Variants in KCNIP4 observed in about 807,000 individuals in gnomAD.
The protein encoded by KCNIP4 is Kv channel-interacting protein 4.
KCNIP4 carries 12 observed loss-of-function variants against 34.0 expected under a neutral mutation model. That is an observed-to-expected ratio of 0.35 (90% CI 0.23 to 0.57). The LOEUF is 0.57. KCNIP4 is among the 20% of genes least tolerant of loss of function. The probability of loss-of-function intolerance (pLI) is 0.83; values close to 1 mark genes in which losing one functional copy is unlikely to be tolerated. For synonymous variants in KCNIP4, 124 were observed against 102.2 expected (o/e 1.21, Z -1.29); for missense variants, 238 against 311.7 (o/e 0.76, Z 1.78).
intron 1 of KCNIP4, among the ~76,000 whole-genome samples, chr4:20,888,466 A>G (rs1725563026): frequency 6.6e-6 from 1 of 151,362 alleles, no homozygotes; most frequent in Admixed American, 6.6e-5. Flanking sequence ...CGATCCCTAA[A>G]TAGATAGCTG....
chr4:21,234,366 AT>A (rs1257193866), intron 1 of KCNIP4, among the ~76,000 whole-genome samples: 1 of 109,118 alleles, frequency 9.2e-6, no homozygotes, highest in Non-Finnish European at 1.8e-5. Flanking sequence ...AACATATATA[AT>A]ATATAACATA....
chr4:21,459,699 C>T (rs553947400), intron 1 of KCNIP4, among the ~76,000 whole-genome samples: 3 of 152,168 alleles, frequency 2.0e-5, no homozygotes, highest in South Asian at 4.1e-4. Flanking sequence ...CCCCCCATTT[C>T]AGGACAGGTG....
At chr4:20,786,928 A>G in intron 3 of KCNIP4, among the ~76,000 whole-genome samples, 1 of 152,178 alleles carries the variant, frequency 6.6e-6, no homozygotes, top group Admixed American at 6.6e-5. Flanking sequence ...CCGATAAAGT[A>G]TCTCCCATCT....
At chr4:21,690,731 T>C (rs1013455619) in intron 1 of KCNIP4, among the ~76,000 whole-genome samples, 2 of 152,224 alleles carry the variant, frequency 1.3e-5, no homozygotes, top group Non-Finnish European at 2.9e-5. Flanking sequence ...CAGCCATCAA[T>C]GTGCCTAACA....
intron 1 of KCNIP4, chr4:21,656,585 G>A (rs911448935): frequency 1.3e-5 from 2 of 152,152 alleles, no homozygotes; most frequent in Non-Finnish European, 2.9e-5. Flanking sequence ...CCTGTTTGGT[G>A]AATCTTCATC....
At chr4:21,666,643 T>C (rs1262374755) in intron 1 of KCNIP4, among the ~76,000 whole-genome samples, 1 of 152,186 alleles carries the variant, frequency 6.6e-6, no homozygotes, top group Non-Finnish European at 1.5e-5. Flanking sequence ...ACTCTAAGCT[T>C]ACTGCATTAA....
intron 3 of KCNIP4, among the ~76,000 whole-genome samples, chr4:20,800,829 T>G (rs1714135450): frequency 6.6e-6 from 1 of 152,172 alleles, no homozygotes; most frequent in Admixed American, 6.6e-5. Flanking sequence ...TATGAGATTT[T>G]CAGGACAAGA....
intron 1 of KCNIP4, among the ~76,000 whole-genome samples, chr4:21,757,159 G>T (rs28691241): frequency 0.029 from 1,177 of 40,808 alleles, 72 homozygotes; most frequent in Non-Finnish European, 0.038. Flanking sequence ...AAGAAAGAAA[G>T]AAAGAAAGAA....
At chr4:21,304,706 C>T (rs753763749) in intron 1 of KCNIP4, 1 of 152,144 alleles carries the variant, frequency 6.6e-6, no homozygotes, top group African/African-American at 2.4e-5. Flanking sequence ...ACTTTCTTTC[C>T]CATGAGTCAC....
intron 1 of KCNIP4, among the ~76,000 whole-genome samples, chr4:21,820,322 T>TACAC (rs1258701805): frequency 7.4e-6 from 1 of 135,812 alleles, no homozygotes; most frequent in African/African-American, 2.7e-5. Flanking sequence ...TATATATATA[T>TACAC]ATACATATAT....
chr4:21,921,471 T>A (rs1026526811), intron 1 of KCNIP4, among the ~76,000 whole-genome samples: 2 of 152,132 alleles, frequency 1.3e-5, no homozygotes, highest in African/African-American at 4.8e-5. Context: ...ATCTAATATA[T>A]CCAATTCCCT....
intron 1 of KCNIP4, among the ~76,000 whole-genome samples, chr4:21,100,891 T>C (rs1003457410): frequency 2.1e-4 from 31 of 147,684 alleles, no homozygotes; most frequent in African/African-American, 6.9e-4. Flanking sequence ...TTCAGTTCAA[T>C]AGGTATGTTG....
intron 1 of KCNIP4, among the ~76,000 whole-genome samples, chr4:21,352,991 T>A (rs531647475): frequency 7.4e-4 from 113 of 152,294 alleles, no homozygotes; most frequent in African/African-American, 2.6e-3. Flanking sequence ...CCTCTGGTGA[T>A]ACCCAGGCAA....
chr4:20,812,896 T>C (rs1160285821), intron 3 of KCNIP4, among the ~76,000 whole-genome samples: 6 of 151,980 alleles, frequency 3.9e-5, no homozygotes, highest in African/African-American at 1.4e-4. Context: ...GTGTGGTATC[T>C]CTGGGACTGC....
intron 1 of KCNIP4, among the ~76,000 whole-genome samples, chr4:21,519,831 GTGTA>G (rs1311596937): frequency 6.9e-6 from 1 of 144,628 alleles, no homozygotes; most frequent in Non-Finnish European, 1.5e-5. Flanking sequence ...ACACACGTGT[GTGTA>G]TGTGTGTGTA....
chr4:21,467,236 A>G (rs1730060079), intron 1 of KCNIP4, among the ~76,000 whole-genome samples: 1 of 152,168 alleles, frequency 6.6e-6, no homozygotes, highest in South Asian at 2.1e-4. Context: ...CATTTGGTAC[A>G]TGGTAGGCAT....
intron 1 of KCNIP4, among the ~76,000 whole-genome samples, chr4:21,737,653 C>T (rs891419930): frequency 9.9e-5 from 15 of 152,162 alleles, no homozygotes; most frequent in Non-Finnish European, 2.2e-4. Flanking sequence ...GTAACCATGG[C>T]CACTATTGCC....
At chr4:21,635,769 T>G (rs1018609793) in intron 1 of KCNIP4, among the ~76,000 whole-genome samples, 5 of 152,164 alleles carry the variant, frequency 3.3e-5, no homozygotes, top group African/African-American at 1.2e-4. Flanking sequence ...TACCATTTGA[T>G]GCAGCCATCC....
At chr4:21,799,475 T>TA (rs1196385872) in intron 1 of KCNIP4, among the ~76,000 whole-genome samples, 8 of 152,226 alleles carry the variant, frequency 5.3e-5, no homozygotes, top group African/African-American at 1.9e-4. Flanking sequence ...GGTCAAAAGC[T>TA]ATATGATACC....
Sources: gnomAD v4.1 joint callset for allele counts (sites outside exome capture counted in the v4.1 genomes callset) on GRCh38, gnomAD v4.1.1 for gene constraint, MANE v1.5 for transcripts, NCBI Gene and HGNC (gene_info 2026-07-23, HGNC 2026-07-21) for gene names.